Variants in TMEM53 observed in about 807,000 individuals in gnomAD.
The protein encoded by TMEM53 is novel DUF829 domain-containing protein.
TMEM53 carries 14 observed loss-of-function variants against 21.4 expected under a neutral mutation model. The observed-to-expected ratio is 0.65, with a 90% CI of 0.43 to 1.02. The LOEUF is 1.02. TMEM53 is among the 50% of genes least tolerant of loss of function. The probability of loss-of-function intolerance (pLI) is 0.00; values close to 1 mark genes in which losing one functional copy is unlikely to be tolerated. For synonymous variants in TMEM53, 148 were observed against 157.4 expected (o/e 0.94, Z 0.45); for missense variants, 323 against 383.6 (o/e 0.84, Z 1.32).
intron 1 of TMEM53, among the ~76,000 whole-genome samples, chr1:44,670,966 G>A (rs1050287953): frequency 3.9e-5 from 6 of 152,208 alleles, no homozygotes; most frequent in African/African-American, 1.4e-4. Context: ...GCCTGGGCCT[G>A]GGATGTCAGA....
chr1:44,671,883 C>A (rs574805853), intron 1 of TMEM53, among the ~76,000 whole-genome samples: 1 of 152,170 alleles, frequency 6.6e-6, no homozygotes, highest in African/African-American at 2.4e-5. Flanking sequence ...GAACTGAGAT[C>A]GTGCCACTGC....
chr1:44,655,784 T>A lies in TMEM53; in HGVS notation c.184-575A>T, dbSNP rs148156385. ...ACTTTCATCACTGGTCACTGTCACCTTCCCTCTCTCCCAGGCTCCTAAAAA... is the reference window on the plus strand; with the variant it reads ...ACTTTCATCACTGGTCACTGTCACCATCCCTCTCTCCCAGGCTCCTAAAAA... On this transcript the variant is annotated intron_variant, in intron 2 of 2. Transcript: ENST00000372237. The surrounding 1 kb of genome is among the most constrained non-coding windows in gnomAD (Gnocchi z 4.4). Among the ~76,000 whole-genome samples the A allele has an allele frequency of 4.6e-5, 7 of 152,230 alleles. No homozygotes were observed. The highest frequency in any genetic ancestry group is 1.7e-4 in the African/African-American group (7 of 41,542).
At chr1:44,664,452 CA>C (rs57700500) in intron 1 of TMEM53, among the ~76,000 whole-genome samples, 43,113 of 117,656 alleles carry the variant, frequency 0.37, 6,689 homozygotes, top group Middle Eastern at 0.49. Flanking sequence ...AACTCCATCT[CA>C]AAAAAAAAAA....
chr1:44,668,180 C>T (rs549958691), intron 1 of TMEM53, among the ~76,000 whole-genome samples: 3 of 152,224 alleles, frequency 2.0e-5, no homozygotes, highest in Admixed American at 6.5e-5. Context: ...TGGTGGCTCA[C>T]GCCTGTAATC....
intron 2 of TMEM53, among the ~76,000 whole-genome samples, chr1:44,656,945 G>A (rs906617935): frequency 6.6e-6 from 1 of 151,998 alleles, no homozygotes; most frequent in African/African-American, 2.4e-5. Flanking sequence ...CCAGGAGGCA[G>A]AGGTTGCAGT....
intron 2 of TMEM53, among the ~76,000 whole-genome samples, chr1:44,659,780 G>T (rs1247628416): frequency 3.3e-5 from 5 of 151,722 alleles, no homozygotes; most frequent in African/African-American, 9.7e-5. Context: ...AAGGGGTCAC[G>T]CCAGGCCACA....
At chr1:44,663,738 A>G (rs1161265549) in intron 1 of TMEM53, among the ~76,000 whole-genome samples, 2 of 151,956 alleles carry the variant, frequency 1.3e-5, no homozygotes, top group African/African-American at 4.8e-5. Flanking sequence ...TGGATCTCCC[A>G]CTCTATTCAG....
chr1:44,661,388 G>T (rs1266831797), intron 1 of TMEM53, among the ~76,000 whole-genome samples: 1 of 150,892 alleles, frequency 6.6e-6, no homozygotes, highest in Non-Finnish European at 1.5e-5. Context: ...CCACCACCAT[G>T]TGCAGCTTTC....
chr1:44,667,714 A>G (rs1443882219), intron 1 of TMEM53, among the ~76,000 whole-genome samples: 1 of 152,140 alleles, frequency 6.6e-6, no homozygotes, highest in Non-Finnish European at 1.5e-5. Flanking sequence ...ACTTTCTAAA[A>G]TCAGTATGTA....
At chr1:44,670,246 G>C (rs1270866878) in intron 1 of TMEM53, among the ~76,000 whole-genome samples, 1 of 149,378 alleles carries the variant, frequency 6.7e-6, no homozygotes, top group African/African-American at 2.5e-5. Context: ...CTTCACCTGG[G>C]TCTTTGAGGT....
rs780360806 is a variant in TMEM53, at chr1:44,670,169, T to TAAAA, written c.61+4158_61+4161dup. On this transcript the variant is annotated intron_variant, in intron 1 of 2. Coordinates refer to ENST00000372237, the MANE Select transcript of TMEM53 (RefSeq NM_024587.4). ...AAAAATAAATACAACTCCTCTGTAT[T>TAAAA]AAAAAAAAAAAAAAAGACCTTTGGG... Among the ~76,000 whole-genome samples, 23 of 103,796 alleles carry TAAAA rather than the reference T, an allele frequency of 2.2e-4. 1 individual carries two copies. The highest frequency in any genetic ancestry group is 5.7e-4 in the African/African-American group (13 of 22,846). The allele number at this position is 103,796 out of a possible 152,430, so 68.1% of individuals were successfully genotyped here.
At chr1:44,673,783 C>T in intron 1 of TMEM53, 2 of 925,888 alleles carry the variant, frequency 2.2e-6, no homozygotes, top group Non-Finnish European at 2.6e-6. Context: ...TAATCCAGCT[C>T]CTAAAGGAAG....
At chr1:44,674,278 C>T in intron 1 of TMEM53, 53 bp downstream of exon 1, 1 of 1,565,786 alleles carries the variant, frequency 6.4e-7, no homozygotes. Context: ...GCTCGCAACC[C>T]ACAGGTTCAT....
intron 1 of TMEM53, among the ~76,000 whole-genome samples, chr1:44,661,902 A>G (rs544204062): frequency 1.3e-4 from 20 of 152,312 alleles, no homozygotes; most frequent in Middle Eastern, 6.8e-3. Context: ...TTTCCCCTGC[A>G]AAGTGAATAC....
intron 1 of TMEM53, 42 bp downstream of exon 1, chr1:44,674,289 G>T: frequency 1.3e-6 from 2 of 1,581,602 alleles, no homozygotes; most frequent in Non-Finnish European, 1.7e-6. Context: ...ACAGGTTCAT[G>T]AGGTCACCTC....
At chr1:44,656,985 C>A (rs1644855770) in intron 2 of TMEM53, among the ~76,000 whole-genome samples, 1 of 151,530 alleles carries the variant, frequency 6.6e-6, no homozygotes, top group Non-Finnish European at 1.5e-5. Flanking sequence ...GCACTCCAGC[C>A]TGGGCGACAG....
intron 1 of TMEM53, among the ~76,000 whole-genome samples, chr1:44,666,779 G>A (rs975152457): frequency 1.2e-4 from 18 of 152,198 alleles, no homozygotes; most frequent in Non-Finnish European, 2.2e-4. Context: ...AAAATGTTTT[G>A]GAATTAGATG....
intron 1 of TMEM53, among the ~76,000 whole-genome samples, chr1:44,671,600 T>A (rs1292672901): frequency 3.9e-5 from 6 of 151,968 alleles, no homozygotes; most frequent in African/African-American, 1.2e-4. Context: ...TGTCTCCATA[T>A]AAGAAAATGA....
At chr1:44,656,354 T>G (rs1644849188) in intron 2 of TMEM53, among the ~76,000 whole-genome samples, 1 of 152,134 alleles carries the variant, frequency 6.6e-6, no homozygotes, top group Non-Finnish European at 1.5e-5. Flanking sequence ...GCAGCAGTAA[T>G]TAGTGATGTG....
Sources: gnomAD v4.1 joint callset for allele counts (sites outside exome capture counted in the v4.1 genomes callset) on GRCh38, gnomAD v4.1.1 for gene constraint, Gnocchi (gnomAD v3.1) non-coding constraint, MANE v1.5 for transcripts, NCBI Gene and HGNC (gene_info 2026-07-23, HGNC 2026-07-21) for gene names.